The following CTNNA2 variants were observed in gnomAD, a reference collection of about 807,000 sequenced individuals.
CTNNA2 encodes catenin alpha-2.
Under a neutral mutation model 101.0 loss-of-function variants are expected in CTNNA2, and 42 were observed. The ratio of observed to expected loss-of-function variants is 0.42; its 90% CI spans 0.32 to 0.54. CTNNA2 has a LOEUF of 0.54. Among genes scored for constraint, CTNNA2 ranks in the 20% least tolerant of loss-of-function variants. The pLI is 0.14. For missense variants in CTNNA2, 871 were observed against 1,223.1 expected (o/e 0.71, Z 4.29); for synonymous variants, 450 against 456.4 (o/e 0.99, Z 0.18).
At chr2:80,344,724 G>A (rs931944468) in intron 7 of CTNNA2, among the ~76,000 whole-genome samples, 30 of 152,164 alleles carry the variant, frequency 2.0e-4, no homozygotes, top group African/African-American at 6.8e-4. Context: ...GAGCTCAAGT[G>A]ATTCTCCCTT....
At chr2:80,597,712 T>TA (rs982449483) in intron 15 of CTNNA2, among the ~76,000 whole-genome samples, 9 of 151,856 alleles carry the variant, frequency 5.9e-5, no homozygotes, top group African/African-American at 1.2e-4. Flanking sequence ...CCAACAAACA[T>TA]AAAAAAAGCT....
chr2:80,606,432 T>G (rs891088915), intron 16 of CTNNA2, among the ~76,000 whole-genome samples: 3 of 148,852 alleles, frequency 2.0e-5, no homozygotes, highest in African/African-American at 7.5e-5. Flanking sequence ...ATACATTTAT[T>G]TTGAGATTCA....
intron 7 of CTNNA2, among the ~76,000 whole-genome samples, chr2:80,252,800 T>C (rs974232267): frequency 2.0e-5 from 3 of 152,174 alleles, no homozygotes; most frequent in Admixed American, 2.0e-4. Context: ...AGAGGACTTG[T>C]AGGCGGCGAC....
At chr2:79,996,174 A>G (rs1692530185) in intron 7 of CTNNA2, among the ~76,000 whole-genome samples, 1 of 152,206 alleles carries the variant, frequency 6.6e-6, no homozygotes, top group African/African-American at 2.4e-5. Flanking sequence ...TATTTGACTA[A>G]GTCAGAAGCA....
chr2:80,241,660 C>T (rs140700463), intron 7 of CTNNA2, among the ~76,000 whole-genome samples: 112 of 151,764 alleles, frequency 7.4e-4, no homozygotes, highest in Non-Finnish European at 1.3e-3. Context: ...TACATAATTT[C>T]TATTTTATAA....
At chr2:80,537,036 C>T (rs1691097143) in intron 9 of CTNNA2, among the ~76,000 whole-genome samples, 1 of 152,266 alleles carries the variant, frequency 6.6e-6, no homozygotes, top group African/African-American at 2.4e-5. Context: ...TTAAGCCCCA[C>T]ATGCATTAGG....
chr2:79,208,775 C>A (rs888837519), intron 2 of CTNNA2, among the ~76,000 whole-genome samples: 2 of 152,130 alleles, frequency 1.3e-5, no homozygotes, highest in Admixed American at 1.3e-4. Context: ...GCTATTGAAA[C>A]CTAGGCTGTG....
At chr2:80,607,267 A>G (rs570848041) in intron 16 of CTNNA2, among the ~76,000 whole-genome samples, 1 of 151,970 alleles carries the variant, frequency 6.6e-6, no homozygotes, top group Admixed American at 6.6e-5. Flanking sequence ...TACAAGTACC[A>G]AATTGATACA....
intron 9 of CTNNA2, among the ~76,000 whole-genome samples, chr2:80,505,378 G>A (rs977160348): frequency 2.0e-5 from 3 of 151,888 alleles, no homozygotes; most frequent in African/African-American, 2.4e-5. Flanking sequence ...AGTAACTAAC[G>A]TACATTGTGT....
At chr2:79,551,735 G>T (rs1674113098) in intron 1 of CTNNA2, among the ~76,000 whole-genome samples, 2 of 152,116 alleles carry the variant, frequency 1.3e-5, no homozygotes, top group South Asian at 4.2e-4. Flanking sequence ...TTACAATCAT[G>T]GTGGAAGGCA....
rs186368270 is a variant in CTNNA2 at position 80,451,732 on chromosome 2, G to A, written c.1290+32131G>A. Among the ~76,000 whole-genome samples, 11 of 152,152 alleles carry A rather than the reference G, an allele frequency of 7.2e-5. No homozygotes were observed. The East Asian group carries it at 2.1e-3, about 29-fold the overall frequency. The stretch of plus-strand genomic sequence containing the variant: ...TAAAATATTTTATTTAATTTTGGGG[G>A]GATGAGGAAATGTTTGAGTCTTATT... On this transcript the variant is annotated intron_variant, in intron 9 of 18. Coordinates refer to ENST00000402739, the MANE Select transcript of CTNNA2 (RefSeq NM_001282597.3).
chr2:79,889,552 C>T lies in CTNNA2; in HGVS notation c.852+15210C>T, dbSNP rs187788097. Among the ~76,000 whole-genome samples the T allele has an allele frequency of 2.8e-3, 432 of 152,238 alleles. 4 individuals are homozygous for T. The highest frequency in any genetic ancestry group is 0.027 in the Middle Eastern group (8 of 294). On this transcript the variant is annotated intron_variant, in intron 6 of 18. Coordinates refer to ENST00000402739, the MANE Select transcript of CTNNA2 (RefSeq NM_001282597.3). ...AGAACAGGCTTGTGTTTGAATCTTA[C>T]CAAATAACTCTTCCCTCTGTGCCTC...
intron 2 of CTNNA2, among the ~76,000 whole-genome samples, chr2:79,722,274 A>T (rs1686536144): frequency 6.6e-6 from 1 of 152,162 alleles, no homozygotes; most frequent in Non-Finnish European, 1.5e-5. Flanking sequence ...TATTAAGCCA[A>T]ATATGAAAAT....
intron 7 of CTNNA2, among the ~76,000 whole-genome samples, chr2:80,172,771 C>T (rs913894457): frequency 2.0e-5 from 3 of 152,152 alleles, no homozygotes; most frequent in Non-Finnish European, 2.9e-5. Flanking sequence ...GCAGTCTTTA[C>T]GTCCCTTGGC....
chr2:79,463,427 C>A (rs957676966), intron 4 of CTNNA2, among the ~76,000 whole-genome samples: 1 of 151,206 alleles, frequency 6.6e-6, no homozygotes, highest in Non-Finnish European at 1.5e-5. Context: ...AAGTCCTGCT[C>A]CTGATGTAGC....
chr2:79,752,694 G>T (rs1672122641), intron 3 of CTNNA2, among the ~76,000 whole-genome samples: 1 of 152,152 alleles, frequency 6.6e-6, no homozygotes, highest in Non-Finnish European at 1.5e-5. Flanking sequence ...TCTGCACATA[G>T]TGAGCACTTC....
chr2:79,477,803 G>GT, intron 4 of CTNNA2, among the ~76,000 whole-genome samples: 1 of 152,198 alleles, frequency 6.6e-6, no homozygotes, highest in Non-Finnish European at 1.5e-5. Flanking sequence ...AAATACATGG[G>GT]AATTTATGTA....
At chr2:80,014,178 CATT>C (rs1418797075) in intron 7 of CTNNA2, among the ~76,000 whole-genome samples, 1 of 152,078 alleles carries the variant, frequency 6.6e-6, no homozygotes, top group Non-Finnish European at 1.5e-5. Flanking sequence ...TCACTGTACT[CATT>C]ATTTTTATCA....
intron 13 of CTNNA2, among the ~76,000 whole-genome samples, chr2:80,576,835 G>A (rs1044285495): frequency 3.4e-5 from 5 of 149,170 alleles, no homozygotes; most frequent in Non-Finnish European, 5.9e-5. Flanking sequence ...GCATGTTGGC[G>A]TGCATCTGTA....
Sources: gnomAD v4.1 joint callset for allele counts (sites outside exome capture counted in the v4.1 genomes callset) on GRCh38, gnomAD v4.1.1 for gene constraint, MANE v1.5 for transcripts, NCBI Gene and HGNC (gene_info 2026-07-23, HGNC 2026-07-21) for gene names.